Variants in HNRNPCL1 observed in about 807,000 individuals in gnomAD.
HNRNPCL1 encodes the protein heterogeneous nuclear ribonucleoprotein C like 1.
HNRNPCL1 carries 15 observed loss-of-function variants against 19.0 expected under a neutral mutation model. The observed-to-expected ratio is 0.79, with a 90% CI of 0.53 to 1.22. The LOEUF (loss-of-function observed/expected upper bound fraction) is 1.22. Among genes scored for constraint, HNRNPCL1 ranks in the 50% most tolerant of loss-of-function variants. The probability of loss-of-function intolerance (pLI) is 0.00; values close to 1 mark genes in which losing one functional copy is unlikely to be tolerated. For synonymous variants in HNRNPCL1, 110 were observed against 129.1 expected (o/e 0.85, Z 1.00); for missense variants, 327 against 354.7 (o/e 0.92, Z 0.63).
chr1:12,847,436 T>C lies in HNRNPCL1; in HGVS notation c.854A>G (p.Asp285Gly), dbSNP rs1640278043. 1.2e-6 allele frequency: 2 copies of C among 1,606,826 alleles called. No homozygotes were observed. The change falls in exon 2 of 2, where the codon GAC becomes GGC. Residue 285 changes from aspartate to glycine, a missense_variant. By Grantham distance (94) the Asp-to-Gly change is moderately conservative. Around this residue, in one of 2 missense-constraint regions of HNRNPCL1, gnomAD observed 281 missense variants for 254.7 expected, o/e 1.10. Coordinates refer to ENST00000317869, the MANE Select transcript of HNRNPCL1 (RefSeq NM_001013631.3). ...KEAEEGEDDR[D>G]STNGQDDS ...AGAGTCATCCTGGCCATTGGTGCTGTCTCTGTCATCCTCTCCTTCCTCAGC... is the reference window on the plus strand; with the variant it reads ...AGAGTCATCCTGGCCATTGGTGCTGCCTCTGTCATCCTCTCCTTCCTCAGC...
chr1:12,847,911 G>C lies in HNRNPCL1; in HGVS notation c.379C>G (p.Pro127Ala). Reference sequence around the variant, plus strand: ...GGAGGAGGAGGAGGTACACGTGCTGGGAAACTGTACATTCCATCATAATAA... The same window carrying C: ...GGAGGAGGAGGAGGTACACGTGCTGCGAAACTGTACATTCCATCATAATAA... ...RDYYDGMYSF[P>A]ARVPPPPPIA... Residue 127 changes from proline (P) to alanine (A), a missense_variant, in exon 2 of 2, where the codon CCA (proline) becomes GCA (alanine). Pro to Ala is a conservative substitution (Grantham distance 27). This residue lies in a region of HNRNPCL1 where 281 missense variants were observed against 254.7 expected (regional missense o/e 1.10). Transcript: ENST00000317869. 1 of 1,606,616 alleles carries C rather than the reference G, an allele frequency of 6.2e-7. No individual in the cohort carries two copies. Among genetic ancestry groups the C allele is most frequent in the East Asian group, 2.2e-5 (1 of 44,694 alleles).
At position 12,848,481 on chromosome 1, in the gene HNRNPCL1, G is replaced by C. The variant is rs956473031; in HGVS notation, c.-181-11C>G. The C allele has an allele frequency of 2.0e-6, 2 of 1,016,114 alleles. No individual in the cohort carries two copies. The highest frequency in any genetic ancestry group is 2.8e-6 in the Non-Finnish European group (2 of 721,608). The allele number at this position is 1,016,114 out of a possible 1,614,324, so 62.9% of individuals were successfully genotyped here. ...CTCCCAACAAGAATTCTGAAATGAT[G>C]TAAAGAAAAGCACAACAACATTTTT... is the stretch of plus-strand genomic sequence containing the variant. On this transcript the variant is annotated splice_polypyrimidine_tract_variant and intron_variant, in intron 1 of 1. Transcript: ENST00000317869.
rs776090885 is a variant in HNRNPCL1, at chr1:12,848,088, C to T, written c.202G>A (p.Ala68Thr). The change falls in exon 2 of 2, where the codon GCA becomes ACA. Residue 68 changes from alanine (A) to threonine (T), a missense_variant. Around this residue, in one of 2 missense-constraint regions of HNRNPCL1, gnomAD observed 46 missense variants for 100.0 expected, o/e 0.46. Transcript: ENST00000317869. The part of the protein sequence containing the change: ...DKEKNARAAV[A>T]GEDGRMIASQ... Reference sequence around the variant, plus strand: ...GCAATCATTCTGCCATCCTCTCCTGCTACAGCAGCCCGGGCATTTTTCTCC... The same window carrying T: ...GCAATCATTCTGCCATCCTCTCCTGTTACAGCAGCCCGGGCATTTTTCTCC... 6.2e-7 allele frequency: 1 copy of T among 1,605,600 alleles called. No individual in the cohort carries two copies. The highest frequency in any genetic ancestry group is 8.5e-7 in the Non-Finnish European group (1 of 1,176,040).
Position 12,847,745 on chromosome 1 carries a change from G to T in HNRNPCL1, c.545C>A (p.Ala182Asp), listed in dbSNP as rs1466003442. 1.2e-6 allele frequency: 2 copies of T among 1,606,632 alleles called. No homozygotes were observed. Among genetic ancestry groups the T allele is most frequent in the South Asian group, 1.1e-5 (1 of 90,476 alleles). The change falls in exon 2 of 2, where the codon GCC becomes GAC. Residue 182 changes from alanine to aspartate, a missense_variant. By Grantham distance (126) the Ala-to-Asp change is moderately radical. Transcript: ENST00000317869. ...SGKLKGDDLQ[A>D]IKQELTQIKQ... ...TATCTGGGTCAACTCCTGCTTAATG[G>T]CCTGAAGGTCATCACCTTTCAACTT... is the stretch of plus-strand genomic sequence containing the variant.
At position 12,848,367 on chromosome 1, in the gene HNRNPCL1, A is replaced by T. The variant is rs1430121958; in HGVS notation, c.-78T>A. ...GAAGAGATTCGATTCTAAGTCTCCTACTGCCGGGTTCTACGGGGAGAAACT... is the reference window on the plus strand; with the variant it reads ...GAAGAGATTCGATTCTAAGTCTCCTTCTGCCGGGTTCTACGGGGAGAAACT... On this transcript the variant is annotated 5_prime_UTR_variant, in exon 2 of 2. Transcript: ENST00000317869. The T allele has an allele frequency of 6.9e-7, 1 of 1,455,744 alleles. No individual in the cohort carries two copies. The highest frequency in any genetic ancestry group is 2.7e-5 in the Admixed American group (1 of 36,810). 90.2% of individuals were successfully genotyped at this position (1,455,744 alleles called of 1,614,324 possible).
In HNRNPCL1 at chr1:12,848,454, G is replaced by A. The variant is rs2100374759; in HGVS notation, c.-165C>T. 3 of 1,038,506 alleles carry A rather than the reference G, an allele frequency of 2.9e-6. 1 individual carries two copies. The highest frequency in any genetic ancestry group is 4.1e-6 in the Non-Finnish European group (3 of 740,406). The allele number at this position is 1,038,506 out of a possible 1,614,324, so 64.3% of individuals were successfully genotyped here. A position where few individuals can be genotyped will look rare whatever the true frequency, so the allele number is the denominator to read the frequency against. On this transcript the variant is annotated 5_prime_UTR_variant, in exon 2 of 2. Coordinates refer to ENST00000317869, the MANE Select transcript of HNRNPCL1 (RefSeq NM_001013631.3). ...CTCAGTCTTCGTCTCTTCACAAAATGGCTCCCAACAAGAATTCTGAAATGA... is the reference window on the plus strand; with the variant it reads ...CTCAGTCTTCGTCTCTTCACAAAATAGCTCCCAACAAGAATTCTGAAATGA...
chr1:12,848,209 A>T lies in HNRNPCL1; in HGVS notation c.81T>A (p.Val27=). 6.4e-7 allele frequency: 1 copy of T among 1,572,748 alleles called. No individual in the cohort carries two copies. The highest frequency in any genetic ancestry group is 2.3e-5 in the East Asian group (1 of 43,610). ...TCGCCTCCACATCCGATTTCTTGAC[A>T]ACAAGAGTGTTGAGATTCCCAATGA... ...RVFIGNLNTL[V]VKKSDVEAIF... is the part of the protein sequence containing the mutation. Residue 27 remains valine, a synonymous_variant, in exon 2 of 2, where the codon GTT becomes GTA. Coordinates refer to ENST00000317869, the MANE Select transcript of HNRNPCL1 (RefSeq NM_001013631.3).
Position 12,847,862 on chromosome 1 carries a change from G to C in HNRNPCL1, c.428C>G (p.Ser143Trp), listed in dbSNP as rs189811978. Residue 143 changes from serine to tryptophan, a missense_variant, in exon 2 of 2, where the codon TCG becomes TGG. Transcript: ENST00000317869. ...GTTTCCTGATAGACGTTGACGTTTC[G>C]AGGGCACTACAGCCAGAGCAATGGG... ...PPPIALAVVP[S>W]KRQRLSGNTS... 2 of 1,606,296 alleles carry C rather than the reference G, an allele frequency of 1.2e-6. No individual in the cohort carries two copies. Among genetic ancestry groups the C allele is most frequent in the African/African-American group, 1.3e-5 (1 of 74,182 alleles).
Position 12,847,403 on chromosome 1 carries a change from T to A in HNRNPCL1, c.*5A>T, listed in dbSNP as rs770850655. 1 of 1,606,708 alleles carries A rather than the reference T, an allele frequency of 6.2e-7. No homozygotes were observed. Among genetic ancestry groups the A allele is most frequent in the Admixed American group, 1.7e-5 (1 of 58,014 alleles). On this transcript the variant is annotated 3_prime_UTR_variant, in exon 2 of 2. Coordinates refer to ENST00000317869, the MANE Select transcript of HNRNPCL1 (RefSeq NM_001013631.3). ...GGGATAAGATTTCTCAACCCCACTA[T>A]GTGCTTAAGAGTCATCCTGGCCATT...
chr1:12,847,413 A>G lies in HNRNPCL1; in HGVS notation c.877T>C (p.Ser293Pro), dbSNP rs141304727. Residue 293 changes from serine to proline, a missense_variant, in exon 2 of 2, where the codon TCT becomes CCT. By Grantham distance (74) the Ser-to-Pro change is moderately conservative. Around this residue, in one of 2 missense-constraint regions of HNRNPCL1, gnomAD observed 281 missense variants for 254.7 expected, o/e 1.10. Coordinates refer to ENST00000317869, the MANE Select transcript of HNRNPCL1 (RefSeq NM_001013631.3). ...TTCTCAACCCCACTATGTGCTTAAG[A>G]GTCATCCTGGCCATTGGTGCTGTCT... Reference protein sequence around the residue: ...DRDSTNGQDDS With the variant: ...DRDSTNGQDDP 16 of 1,606,812 alleles carry G rather than the reference A, an allele frequency of 1.0e-5. 1 individual carries two copies. The highest frequency in any genetic ancestry group is 1.4e-5 in the Non-Finnish European group (16 of 1,176,662).
rs749112449 is a variant in HNRNPCL1 at position 12,847,817 on chromosome 1, C to T, written c.473G>A (p.Ser158Asn). Residue 158 changes from serine (S) to asparagine (N), a missense_variant, in exon 2 of 2, where the codon AGT (serine) becomes AAT (asparagine). Ser to Asn is a conservative substitution (Grantham distance 46, BLOSUM62 1). Transcript: ENST00000317869. Reference protein sequence around the residue: ...LSGNTSRRGKSGFNSKSGKRG... With the variant: ...LSGNTSRRGKNGFNSKSGKRG... ...CTTTCCACTCTTAGAATTGAAGCCA[C>T]TTTTGCCCCTTCGTGAGGTGTTTCC... The T allele has an allele frequency of 1.9e-6, 3 of 1,606,770 alleles. No homozygotes were observed. The highest frequency in any genetic ancestry group is 1.7e-6 in the Non-Finnish European group (2 of 1,176,608).
Position 12,847,752 on chromosome 1 carries a change from G to A in HNRNPCL1, c.538C>T (p.Leu180Phe). 3 of 1,606,792 alleles carry A rather than the reference G, an allele frequency of 1.9e-6. No homozygotes were observed. The South Asian group carries it at 3.3e-5, about 18-fold the overall frequency. ...GTCAACTCCTGCTTAATGGCCTGAA[G>A]GTCATCACCTTTCAACTTTCCAGAC... Reference protein sequence around the residue: ...SKSGKLKGDDLQAIKQELTQI... With the variant: ...SKSGKLKGDDFQAIKQELTQI... Residue 180 changes from leucine to phenylalanine, a missense_variant, in exon 2 of 2, where the codon CTT (leucine) becomes TTT (phenylalanine). This residue lies in a region of HNRNPCL1 where 281 missense variants were observed against 254.7 expected (regional missense o/e 1.10). Transcript: ENST00000317869.
chr1:12,848,034 C>T lies in HNRNPCL1; in HGVS notation c.256G>A (p.Ala86Thr), dbSNP rs1640297221. ...TTTCCTCGGTTCACTTTTGGCTCCGCAGCCAGGTTAATATCTACAACCTGG... is the reference window on the plus strand; with the variant it reads ...TTTCCTCGGTTCACTTTTGGCTCCGTAGCCAGGTTAATATCTACAACCTGG... ...ASQVVDINLA[A>T]EPKVNRGNAG... The change falls in exon 2 of 2, where the codon GCG becomes ACG. Residue 86 changes from alanine to threonine, a missense_variant. This residue lies in a region of HNRNPCL1 where 281 missense variants were observed against 254.7 expected (regional missense o/e 1.10). Transcript: ENST00000317869. 6.2e-7 allele frequency: 1 copy of T among 1,607,010 alleles called. No individual in the cohort carries two copies. Among genetic ancestry groups the T allele is most frequent in the African/African-American group, 1.3e-5 (1 of 74,286 alleles).
Position 12,847,558 on chromosome 1 carries a change from T to C in HNRNPCL1, c.732A>G (p.Ala244=). 1 of 1,606,796 alleles carries C rather than the reference T, an allele frequency of 6.2e-7. No homozygotes were observed. The highest frequency in any genetic ancestry group is 1.3e-5 in the African/African-American group (1 of 74,372). The change falls in exon 2 of 2, where the codon GCA becomes GCG. Residue 244 remains alanine (A), a synonymous_variant. Coordinates refer to ENST00000317869, the MANE Select transcript of HNRNPCL1 (RefSeq NM_001013631.3). ...THVKMESEGG[A]EDSAEEGDPL... is the part of the protein sequence containing the mutation. The stretch of plus-strand genomic sequence containing the variant: ...GGTCCCCCTCCTCAGCAGAGTCTTC[T>C]GCACCCCCCTCAGACTCCATCTTCA...
intron 1 of HNRNPCL1, 73 bp from the exon 2 acceptor site, chr1:12,848,543 A>G: frequency 3.9e-6 from 3 of 774,196 alleles, no homozygotes; most frequent in Non-Finnish European, 5.9e-6. Flanking sequence ...AAAAAAATCA[A>G]AGCTTCAAAG....
rs1557622970 is a variant in HNRNPCL1, at chr1:12,848,296, GGAT to G, written c.-10_-8del. On this transcript the variant is annotated 5_prime_UTR_variant, in exon 2 of 2. Coordinates refer to ENST00000317869, the MANE Select transcript of HNRNPCL1 (RefSeq NM_001013631.3). ...TGGTAACGTTGCTGGCCATTGTGTT[GGAT>G]GATAAGGTTTCTCAAAAAGCCAAAA... 2.1e-6 allele frequency: 3 copies of G among 1,429,154 alleles called. No homozygotes were observed. In the East Asian group the frequency reaches 7.5e-5, roughly 36 times the overall value. 88.5% of individuals were successfully genotyped at this position (1,429,154 alleles called of 1,614,324 possible). A position where few individuals can be genotyped will look rare whatever the true frequency, so the allele number is the denominator to read the frequency against.
chr1:12,848,571 GAA>G lies in HNRNPCL1; in HGVS notation c.-181-103_-181-102del, dbSNP rs140786286. On this transcript the variant is annotated intron_variant, in intron 1 of 1. Transcript: ENST00000317869. The stretch of plus-strand genomic sequence containing the variant: ...CTTCAAAGTGTTCATATGAAAAAAA[GAA>G]AAAAAGACAGGATATAGTTCTGTGC... 9.2e-6 allele frequency: 6 copies of G among 650,306 alleles called. 1 individual carries two copies. The highest frequency in any genetic ancestry group is 1.5e-5 in the Non-Finnish European group (6 of 410,802). 40.3% of individuals were successfully genotyped at this position (650,306 alleles called of 1,614,324 possible).
In HNRNPCL1 at chr1:12,847,477, C is replaced by T. The variant is rs1640279363; in HGVS notation, c.813G>A (p.Lys271=). Residue 271 remains lysine (K), a synonymous_variant, in exon 2 of 2, where the codon AAG becomes AAA. Transcript: ENST00000317869. ...DQGDDQLELI[K]DDEKEAEEGE... is the part of the protein sequence containing the mutation. ...CTTCCTCAGCCTCTTTTTCATCATC[C>T]TTGATCAACTCCAGCTGGTCATCCC... 1.2e-6 allele frequency: 2 copies of T among 1,606,678 alleles called. No homozygotes were observed. Among genetic ancestry groups the T allele is most frequent in the Non-Finnish European group, 1.7e-6 (2 of 1,176,698 alleles).
chr1:12,847,734 C>G lies in HNRNPCL1; in HGVS notation c.556G>C (p.Glu186Gln), dbSNP rs1207617695. Residue 186 changes from glutamate to glutamine, a missense_variant, in exon 2 of 2, where the codon GAG (glutamate) becomes CAG (glutamine). Coordinates refer to ENST00000317869, the MANE Select transcript of HNRNPCL1 (RefSeq NM_001013631.3). ...ACTTTCTGTTTTATCTGGGTCAACT[C>G]CTGCTTAATGGCCTGAAGGTCATCA... is the stretch of plus-strand genomic sequence containing the variant. Reference protein sequence around the residue: ...KGDDLQAIKQELTQIKQKVDS... With the variant: ...KGDDLQAIKQQLTQIKQKVDS... 6.2e-7 allele frequency: 1 copy of G among 1,606,750 alleles called. No homozygotes were observed. The highest frequency in any genetic ancestry group is 8.5e-7 in the Non-Finnish European group (1 of 1,176,620).
Sources: allele counts gnomAD v4.1 joint callset, GRCh38; gene constraint gnomAD v4.1.1; regional missense constraint gnomAD v4.1.1; transcripts MANE v1.5; gene names NCBI Gene and HGNC (gene_info 2026-07-23, HGNC 2026-07-21).